The following COPS7A variants were observed in gnomAD, a reference collection of about 807,000 sequenced individuals.
COPS7A encodes COP9 signalosome complex subunit 7a.
In COPS7A, 20 loss-of-function variants were observed where a neutral mutation model predicts 35.2. The observed-to-expected ratio is 0.57, with a 90% CI of 0.40 to 0.83. The LOEUF is 0.83. Ranked by LOEUF, COPS7A falls within the 40% of genes least tolerant of loss-of-function variation. COPS7A has a pLI of 0.00. For synonymous variants in COPS7A, 139 were observed against 141.4 expected, an observed-to-expected ratio of 0.98 and a Z score of 0.12; for missense variants, 247 against 347.5, an observed-to-expected ratio of 0.71 and a Z score of 2.30.
rs1443442005 is a variant in COPS7A at position 6,724,661 on chromosome 12, G to A, written c.5G>A (p.Ser2Asn). The part of the protein sequence containing the change: M[S>N]AEVKVTGQNQ... ...TCCCCCACACTCAGTGCAGTGATGAGTGCGGAAGTGAAGGTGACAGGGCAG... is the reference window on the plus strand; with the variant it reads ...TCCCCCACACTCAGTGCAGTGATGAATGCGGAAGTGAAGGTGACAGGGCAG... Residue 2 changes from serine to asparagine, a missense_variant, in exon 2 of 8, where the codon AGT (serine) becomes AAT (asparagine). By Grantham distance (46) the Ser-to-Asn change is conservative (BLOSUM62 1). Transcript: ENST00000543155. 1.9e-6 allele frequency: 3 copies of A among 1,614,130 alleles called. No homozygotes were observed. Among genetic ancestry groups the A allele is most frequent in the Non-Finnish European group, 2.5e-6 (3 of 1,180,026 alleles).
intron 2 of COPS7A, among the ~76,000 whole-genome samples, chr12:6,727,269 G>A (rs1410955370): frequency 3.3e-5 from 5 of 150,870 alleles, no homozygotes; most frequent in African/African-American, 9.8e-5. Flanking sequence ...CCTGGGAGGC[G>A]GAGGTTGCAG....
chr12:6,727,902 C>T, intron 2 of COPS7A, 24 bp from the exon 3 acceptor site: 1 of 1,612,930 alleles, frequency 6.2e-7, no homozygotes, highest in Non-Finnish European at 8.5e-7. Flanking sequence ...CTTCCCGTCA[C>T]CTCCTTTTTC....
chr12:6,724,382 C>A, intron 1 of COPS7A: 1 of 520,338 alleles, frequency 1.9e-6, no homozygotes. Context: ...TCTTGGGGTT[C>A]AATGGGGTGC....
chr12:6,724,205 C>G (rs1393176009), intron 1 of COPS7A, 26 bp downstream of exon 1: 2 of 271,354 alleles, frequency 7.4e-6, no homozygotes, highest in African/African-American at 4.7e-5. Context: ...CGGCGGGAGC[C>G]CACGGTCGCT....
rs1172487794 is a variant in COPS7A at position 6,728,246 on chromosome 12, C to G, written c.262C>G (p.Leu88Val). The G allele has an allele frequency of 1.7e-5, 27 of 1,614,040 alleles. No homozygotes were observed. Among genetic ancestry groups the G allele is most frequent in the Non-Finnish European group, 2.2e-5 (26 of 1,180,022 alleles). Residue 88 changes from leucine (L) to valine (V), a missense_variant, in exon 4 of 8, where the codon CTA becomes GTA. Physicochemically the swap from Leu to Val is conservative, Grantham distance 32 (BLOSUM62 1). Coordinates refer to ENST00000543155, the MANE Select transcript of COPS7A (RefSeq NM_001164094.2). Reference sequence around the variant, plus strand: ...AGCTGAAGCCCGGAATCTTCCTCCACTAACAGAGGCTCAGAAGAATAAGCT... The same window carrying G: ...AGCTGAAGCCCGGAATCTTCCTCCAGTAACAGAGGCTCAGAAGAATAAGCT... ...YLAEARNLPP[L>V]TEAQKNKLRH...
In COPS7A at chr12:6,731,863, A is replaced by C. The variant is rs934442501; in HGVS notation, c.*824A>C. On this transcript the variant is annotated 3_prime_UTR_variant, in exon 8 of 8. Transcript: ENST00000543155. ...ATAAATCTATGAGAAATCTATCTACAAACTACCCTGAACTGGGTATCTTCT... is the reference window on the plus strand; with the variant it reads ...ATAAATCTATGAGAAATCTATCTACCAACTACCCTGAACTGGGTATCTTCT... 6.6e-6 allele frequency: 1 copy of C among 152,588 alleles called. No individual in the cohort carries two copies. Among genetic ancestry groups the C allele is most frequent in the Non-Finnish European group, 1.5e-5 (1 of 68,046 alleles). The allele number at this position is 152,588 out of a possible 1,614,324, so 9.5% of individuals were successfully genotyped here. A position where few individuals can be genotyped will look rare whatever the true frequency, so the allele number is the denominator to read the frequency against.
Position 6,730,666 on chromosome 12 carries a change from TA to T in COPS7A, c.637-2del. 1.2e-6 allele frequency: 2 copies of T among 1,614,078 alleles called. No individual in the cohort carries two copies. Among genetic ancestry groups the T allele is most frequent in the Non-Finnish European group, 8.5e-7 (1 of 1,179,986 alleles). ...GCTATCCCCATTCCTTTCATCCTGG[TA>T]GGTTGCCAACCTTAAAAAAACCATT... On this transcript the variant is annotated splice_acceptor_variant, in intron 6 of 7. Transcript: ENST00000543155. LOFTEE classifies it high-confidence loss of function.
intron 2 of COPS7A, chr12:6,725,547 T>C (rs1941231985): frequency 4.5e-6 from 2 of 448,202 alleles, no homozygotes; most frequent in Non-Finnish European, 9.1e-6. Flanking sequence ...CTGGTACAAG[T>C]GGAGAGTGAA....
intron 2 of COPS7A, among the ~76,000 whole-genome samples, chr12:6,726,303 A>G (rs1053703350): frequency 1.3e-5 from 2 of 148,500 alleles, no homozygotes; most frequent in African/African-American, 5.0e-5. Context: ...ACAAGACAAA[A>G]ACGAAAAACA....
intron 2 of COPS7A, among the ~76,000 whole-genome samples, chr12:6,726,773 A>G (rs1173724802): frequency 6.6e-6 from 1 of 152,032 alleles, no homozygotes; most frequent in Non-Finnish European, 1.5e-5. Context: ...AGAAAAAGAA[A>G]AAGAAGCACT....
chr12:6,724,692 G>A lies in COPS7A; in HGVS notation c.36G>A (p.Gln12=), dbSNP rs762442662. Residue 12 remains glutamine, a synonymous_variant, in exon 2 of 8, where the codon CAG becomes CAA. Transcript: ENST00000543155. Reference sequence around the variant, plus strand: ...AAGTGAAGGTGACAGGGCAGAACCAGGAGCAATTTCTGCTCCTAGCCAAGT... The same window carrying A: ...AAGTGAAGGTGACAGGGCAGAACCAAGAGCAATTTCTGCTCCTAGCCAAGT... ...SAEVKVTGQN[Q]EQFLLLAKSA... is the part of the protein sequence containing the mutation. The A allele has an allele frequency of 6.2e-7, 1 of 1,614,150 alleles. No individual in the cohort carries two copies. The highest frequency in any genetic ancestry group is 1.1e-5 in the South Asian group (1 of 91,084).
rs146292223 is a variant in COPS7A, at chr12:6,729,410, G to A, written c.491G>A (p.Arg164His). Residue 164 changes from arginine to histidine, a missense_variant, in exon 5 of 8, where the codon CGC (arginine) becomes CAC (histidine). Coordinates refer to ENST00000543155, the MANE Select transcript of COPS7A (RefSeq NM_001164094.2). This position sits in a 1 kb window ranked among gnomAD's most constrained non-coding sequence, Gnocchi z 4.2. Reference protein sequence around the residue: ...VDYSIGRDIQRQDLSAIARTL... With the variant: ...VDYSIGRDIQHQDLSAIARTL... ...TACAGCATCGGGCGGGACATCCAGC[G>A]CCAGGACCTCAGTGCCATTGCCCGA... The A allele has an allele frequency of 2.1e-5, 34 of 1,613,942 alleles. No individual in the cohort carries two copies. In the East Asian group the frequency reaches 2.9e-4, roughly 14 times the overall value.
At chr12:6,728,377 T>C in intron 4 of COPS7A, 66 bp downstream of exon 4, 1 of 1,374,752 alleles carries the variant, frequency 7.3e-7, no homozygotes, top group East Asian at 2.3e-5. Flanking sequence ...GAGTCCACAC[T>C]AGGACAGCCC....
Position 6,731,374 on chromosome 12 carries a change from C to T in COPS7A, c.*335C>T. ...GTAGCCCTGATGGGGGTCGCTCTGT[C>T]TGGAGCATAACCCACAGGCGTTTTT... On this transcript the variant is annotated 3_prime_UTR_variant, in exon 8 of 8. Coordinates refer to ENST00000543155, the MANE Select transcript of COPS7A (RefSeq NM_001164094.2). 7.5e-7 allele frequency: 1 copy of T among 1,338,472 alleles called. No homozygotes were observed. The allele number at this position is 1,338,472 out of a possible 1,614,324, so 82.9% of individuals were successfully genotyped here. A position where few individuals can be genotyped will look rare whatever the true frequency, so the allele number is the denominator to read the frequency against.
rs1311607087 is a variant in COPS7A, at chr12:6,724,099, C to T, written c.-124C>T. On this transcript the variant is annotated 5_prime_UTR_variant, in exon 1 of 8. Transcript: ENST00000543155. The stretch of plus-strand genomic sequence containing the variant: ...GGCAGGAAAGGCTTGGAACAGCTGC[C>T]GGAGGTGACGGAGCGGCGGCCCCGC... The T allele has an allele frequency of 8.1e-6, 2 of 246,010 alleles. No homozygotes were observed. Among genetic ancestry groups the T allele is most frequent in the Non-Finnish European group, 1.6e-5 (2 of 121,478 alleles). The allele number at this position is 246,010 out of a possible 1,614,324, so 15.2% of individuals were successfully genotyped here.
Position 6,729,116 on chromosome 12 carries a change from T to TA in COPS7A, c.328-130dup, listed in dbSNP as rs1592471344. 1.1e-5 allele frequency: 9 copies of TA among 811,450 alleles called. No individual in the cohort carries two copies. The East Asian group carries it at 2.3e-4, about 20-fold the overall frequency. 50.3% of individuals were successfully genotyped at this position (811,450 alleles called of 1,614,324 possible). On this transcript the variant is annotated intron_variant, in intron 4 of 7. Transcript: ENST00000543155. The surrounding 1 kb of genome is among the most constrained non-coding windows in gnomAD (Gnocchi z 4.2). ...TTATTTTGCTTTAGAACCAGCCTCT[T>TA]AGAGGAAGTGATTTAGGAATGGGAG...
At chr12:6,728,981 A>C in intron 4 of COPS7A, 1 of 474,464 alleles carries the variant, frequency 2.1e-6, no homozygotes, top group Non-Finnish European at 3.9e-6. Flanking sequence ...GGCAGATGTC[A>C]TTTTCTCCTT....
Position 6,726,211 on chromosome 12 carries a change from G to A in COPS7A, c.162+1393G>A, listed in dbSNP as rs927002327. 9.9e-5 allele frequency among the ~76,000 whole-genome samples: 15 copies of A among 151,974 alleles called. 1 individual carries two copies. Among genetic ancestry groups the A allele is most frequent in the Non-Finnish European group, 4.4e-5 (3 of 67,992 alleles). On this transcript the variant is annotated intron_variant, in intron 2 of 7. Coordinates refer to ENST00000543155, the MANE Select transcript of COPS7A (RefSeq NM_001164094.2). Reference sequence around the variant, plus strand: ...CGCCTGTAGTCCCAGCTGCTTGGAAGGGTGAGGCTGAGGTTGCAGTGAGTT... The same window carrying A: ...CGCCTGTAGTCCCAGCTGCTTGGAAAGGTGAGGCTGAGGTTGCAGTGAGTT...
chr12:6,730,719 A>C lies in COPS7A; in HGVS notation c.687A>C (p.Ala229=). 6.2e-7 allele frequency: 1 copy of C among 1,614,206 alleles called. No individual in the cohort carries two copies. Among genetic ancestry groups the C allele is most frequent in the Middle Eastern group, 1.6e-4 (1 of 6,062 alleles). ...TIKVTTAAAA[A]ATSQDPEQHL... ...AAGTTACGACGGCAGCAGCAGCCGC[A>C]GCCACATCTCAGGACCCTGAGCAAC... Residue 229 remains alanine, a synonymous_variant, in exon 7 of 8, where the codon GCA becomes GCC. Transcript: ENST00000543155.
Sources: allele counts gnomAD v4.1 joint callset (sites outside exome capture counted in the v4.1 genomes callset), GRCh38; gene constraint gnomAD v4.1.1; non-coding constraint Gnocchi (gnomAD v3.1); transcripts MANE v1.5; gene names NCBI Gene and HGNC (gene_info 2026-07-23, HGNC 2026-07-21).